The following DSG2 variants were observed in gnomAD, a reference collection of about 807,000 sequenced individuals.
The protein encoded by DSG2 is desmoglein 2, also known as desmoglein-2.
DSG2 carries 45 observed loss-of-function variants against 75.6 expected under a neutral mutation model. The observed-to-expected ratio is 0.60, with a 90% CI of 0.47 to 0.76. The LOEUF is 0.76. DSG2 is among the 30% of genes least tolerant of loss of function. The pLI is 0.00. For missense variants in DSG2, 1,267 were observed against 1,357.4 expected, an observed-to-expected ratio of 0.93 and a Z score of 1.05; for synonymous variants, 429 against 483.9, an observed-to-expected ratio of 0.89 and a Z score of 1.49.
rs761248022 is a variant in DSG2 at position 31,538,983 on chromosome 18, G to T, written c.1879+5G>T. The T allele has an allele frequency of 1.2e-6, 2 of 1,612,450 alleles. No homozygotes were observed. Among genetic ancestry groups the T allele is most frequent in the South Asian group, 1.1e-5 (1 of 91,078 alleles). ...TGGCCTTTCTGCTCCTGCTATGTAA[G>T]TCTTTAAAAGCCACTCTGTTGTGCT... On this transcript the variant is annotated splice_donor_5th_base_variant and intron_variant, in intron 12 of 14. Transcript: ENST00000261590.
At chr18:31,522,504 T>G (rs976895101) in intron 6 of DSG2, 19 of 311,100 alleles carry the variant, frequency 6.1e-5, no homozygotes, top group African/African-American at 3.1e-4. Flanking sequence ...TTTGAAAAAC[T>G]TAATATGAAA....
chr18:31,539,006 G>A lies in DSG2; in HGVS notation c.1879+28G>A, dbSNP rs376946203. On this transcript the variant is annotated intron_variant, in intron 12 of 14. Coordinates refer to ENST00000261590, the MANE Select transcript of DSG2 (RefSeq NM_001943.5). The stretch of plus-strand genomic sequence containing the variant: ...AAGTCTTTAAAAGCCACTCTGTTGT[G>A]CTTTTGGGAATCTGAGTGCACTCCT... 187 of 1,604,488 alleles carry A rather than the reference G, an allele frequency of 1.2e-4. 1 individual carries two copies. The African/African-American group carries it at 2.1e-3, about 18-fold the overall frequency.
At chr18:31,536,706 G>A (rs2073233083) in intron 11 of DSG2, among the ~76,000 whole-genome samples, 1 of 152,174 alleles carries the variant, frequency 6.6e-6, no homozygotes, top group South Asian at 2.1e-4. Context: ...GCCTTTGTCA[G>A]CACCACAATC....
intron 12 of DSG2, among the ~76,000 whole-genome samples, chr18:31,539,915 G>A (rs950761447): frequency 6.6e-6 from 1 of 152,072 alleles, no homozygotes; most frequent in South Asian, 2.1e-4. Flanking sequence ...TCTTATAGGA[G>A]CTCAAACTCT....
intron 6 of DSG2, among the ~76,000 whole-genome samples, chr18:31,524,005 A>G (rs770300219): frequency 6.6e-6 from 1 of 152,236 alleles, no homozygotes; most frequent in Non-Finnish European, 1.5e-5. Context: ...TCTAGGACAC[A>G]TACTATAAGA....
chr18:31,538,287 G>C (rs2073244226), intron 11 of DSG2, among the ~76,000 whole-genome samples: 1 of 152,146 alleles, frequency 6.6e-6, no homozygotes. Flanking sequence ...AGGGACTAGA[G>C]AAAACAAGAT....
At chr18:31,519,657 C>G (rs1175108682) in intron 2 of DSG2, 146 bp from the exon 3 acceptor site, 5 of 798,894 alleles carry the variant, frequency 6.3e-6, no homozygotes, top group Non-Finnish European at 1.0e-5. Flanking sequence ...TATATATATT[C>G]CCTTTTAGAC....
At chr18:31,511,838 T>G (rs2144300891) in intron 1 of DSG2, among the ~76,000 whole-genome samples, 1 of 152,252 alleles carries the variant, frequency 6.6e-6, no homozygotes, top group East Asian at 1.9e-4. Flanking sequence ...AGAAACAGAT[T>G]GCCAGCATCC....
intron 12 of DSG2, among the ~76,000 whole-genome samples, chr18:31,539,668 C>T (rs1179122466): frequency 3.9e-5 from 6 of 152,164 alleles, no homozygotes; most frequent in Admixed American, 2.0e-4. Context: ...GACAGAGGGC[C>T]GCCTCCAAGG....
rs995146181 is a variant in DSG2, at chr18:31,545,762, C to G, written c.2376C>G (p.Ala792=). The change falls in exon 15 of 15, where the codon GCC becomes GCG. Residue 792 remains alanine, a synonymous_variant. Coordinates refer to ENST00000261590, the MANE Select transcript of DSG2 (RefSeq NM_001943.5). The part of the protein sequence containing the change: ...SYTEEDENHT[A]KDCLLVYSQE... ...CTGAGGAAGATGAAAATCACACAGC[C>G]AAAGATTGCCTTCTGGTTTATTCTC... The G allele has an allele frequency of 1.2e-6, 2 of 1,614,086 alleles. No homozygotes were observed. The highest frequency in any genetic ancestry group is 2.7e-5 in the African/African-American group (2 of 75,038).
chr18:31,507,453 T>C (rs1323520671), intron 1 of DSG2, among the ~76,000 whole-genome samples: 1 of 152,230 alleles, frequency 6.6e-6, no homozygotes, highest in Non-Finnish European at 1.5e-5. Context: ...AGTAATGGGA[T>C]TGCTGAGTCA....
At chr18:31,505,602 T>C (rs2073034870) in intron 1 of DSG2, among the ~76,000 whole-genome samples, 1 of 152,098 alleles carries the variant, frequency 6.6e-6, no homozygotes, top group African/African-American at 2.4e-5. Context: ...ATGGATTTCA[T>C]GTGTTTAAGA....
Position 31,519,652 on chromosome 18 carries a change from A to T in DSG2, c.82-151A>T, listed in dbSNP as rs920231570. 3 of 781,106 alleles carry T rather than the reference A, an allele frequency of 3.8e-6. No homozygotes were observed. In the African/African-American group the frequency reaches 5.2e-5, roughly 14 times the overall value. 48.4% of individuals were successfully genotyped at this position (781,106 alleles called of 1,614,324 possible). A position where few individuals can be genotyped will look rare whatever the true frequency, so the allele number is the denominator to read the frequency against. ...CCCTATGCAGTTTGCTAGAATATAT[A>T]TATTCCCTTTTAGACAATGAAGCCT... is the stretch of plus-strand genomic sequence containing the variant. On this transcript the variant is annotated intron_variant, in intron 2 of 14. Coordinates refer to ENST00000261590, the MANE Select transcript of DSG2 (RefSeq NM_001943.5).
intron 8 of DSG2, among the ~76,000 whole-genome samples, chr18:31,530,278 A>C (rs1288958071): frequency 6.6e-6 from 1 of 152,206 alleles, no homozygotes; most frequent in Non-Finnish European, 1.5e-5. Context: ...TCACAGAGCT[A>C]CCACTACTTA....
chr18:31,542,307 T>C, intron 13 of DSG2: 1 of 609,754 alleles, frequency 1.6e-6, no homozygotes, highest in Non-Finnish European at 2.9e-6. Flanking sequence ...TGTTTTCTCT[T>C]TGGGTTCTAT....
chr18:31,545,496 C>T (rs1025369566), intron 14 of DSG2, among the ~76,000 whole-genome samples: 1 of 152,126 alleles, frequency 6.6e-6, no homozygotes, highest in African/African-American at 2.4e-5. Flanking sequence ...TAATCTGAAA[C>T]AGTCCCCTCT....
In DSG2 at chr18:31,524,740, A is replaced by T; in HGVS notation, c.866A>T (p.Glu289Val). 6.2e-7 allele frequency: 1 copy of T among 1,614,202 alleles called. No homozygotes were observed. The highest frequency in any genetic ancestry group is 8.5e-7 in the Non-Finnish European group (1 of 1,180,026). Residue 289 changes from glutamate to valine, a missense_variant, in exon 8 of 15, where the codon GAA (glutamate) becomes GTA (valine). Coordinates refer to ENST00000261590, the MANE Select transcript of DSG2 (RefSeq NM_001943.5). ...GTTGAAGAAAATCAAGTCAACGTAG[A>T]AGTTACGCGCATAAAAGTGTTCGAT... ...GMVEENQVNV[E>V]VTRIKVFDAD... is the part of the protein sequence containing the mutation.
At chr18:31,533,991 CT>C (rs55789239) in intron 9 of DSG2, among the ~76,000 whole-genome samples, 26,725 of 125,112 alleles carry the variant, frequency 0.21, 1,587 homozygotes, top group East Asian at 0.4. Context: ...TCTTTTTTTT[CT>C]TTTTTTTTTT....
intron 14 of DSG2, chr18:31,543,150 T>C: frequency 3.7e-6 from 1 of 272,026 alleles, no homozygotes; most frequent in South Asian, 9.2e-5. Flanking sequence ...CATGATGTCT[T>C]CATATCAAGA....
Sources: allele counts gnomAD v4.1 joint callset (sites outside exome capture counted in the v4.1 genomes callset), GRCh38; gene constraint gnomAD v4.1.1; transcripts MANE v1.5; gene names NCBI Gene and HGNC (gene_info 2026-07-23, HGNC 2026-07-21).